DENND11: variants seen among roughly 807,000 people sequenced by gnomAD.
DENND11 encodes DENN domain containing 11, also known as DENN domain-containing protein 11.
A neutral mutation model predicts 49.2 loss-of-function variants in DENND11; 34 were observed. The ratio of observed to expected loss-of-function variants is 0.69; its 90% CI spans 0.53 to 0.92. The LOEUF (loss-of-function observed/expected upper bound fraction) is 0.92, where lower values mean the gene tolerates loss of function less well. Ranked by LOEUF, DENND11 falls within the 40% of genes least tolerant of loss-of-function variation. The probability of loss-of-function intolerance (pLI) is 0.00; values close to 1 mark genes in which losing one functional copy is unlikely to be tolerated. For synonymous variants in DENND11, 238 were observed against 230.3 expected, an observed-to-expected ratio of 1.03 and a Z score of -0.30; for missense variants, 475 against 581.6, an observed-to-expected ratio of 0.82 and a Z score of 1.88.
In DENND11 at chr7:141,683,872, CA is replaced by C. The variant is rs570234444; in HGVS notation, c.527+1605del. On this transcript the variant is annotated intron_variant, in intron 3 of 8. Coordinates refer to ENST00000536163, the MANE Select transcript of DENND11 (RefSeq NM_001080392.2). ...GAACAGGCCAATAGTATTAATCATG[CA>C]AGATCCTTTCAAAGAAAGAAAAGTG... 4.7e-3 allele frequency among the ~76,000 whole-genome samples: 718 copies of C among 152,262 alleles called. 10 individuals carry two copies. The highest frequency in any genetic ancestry group is 0.016 in the African/African-American group (679 of 41,538).
chr7:141,677,479 A>G (rs912354618), intron 3 of DENND11, among the ~76,000 whole-genome samples: 7 of 143,482 alleles, frequency 4.9e-5, no homozygotes, highest in African/African-American at 1.8e-4. Flanking sequence ...ATATTTATAT[A>G]TATTTATATG....
Position 141,674,197 on chromosome 7 carries a change from T to C in DENND11, c.551A>G (p.His184Arg). 6.5e-7 allele frequency: 1 copy of C among 1,548,240 alleles called. No homozygotes were observed. Reference sequence around the variant, plus strand: ...ATAGAAGGCAGCCAGATGAGAGTAATGTCCTGGCATCTCCAACTGGTGCCT... The same window carrying C: ...ATAGAAGGCAGCCAGATGAGAGTAACGTCCTGGCATCTCCAACTGGTGCCT... ...QVRHQLEMPG[H>R]YSHLAAFYED... Residue 184 changes from histidine (H) to arginine (R), a missense_variant, in exon 4 of 9, where the codon CAT becomes CGT. Physicochemically the swap from His to Arg is conservative, Grantham distance 29. Coordinates refer to ENST00000536163, the MANE Select transcript of DENND11 (RefSeq NM_001080392.2).
intron 1 of DENND11, among the ~76,000 whole-genome samples, chr7:141,688,485 T>C (rs986162484): frequency 3.9e-5 from 6 of 152,218 alleles, no homozygotes; most frequent in Admixed American, 1.3e-4. Context: ...TCTGATCATT[T>C]AGTCAATTCA....
At position 141,657,148 on chromosome 7, in the gene DENND11, G is replaced by A. The variant is rs1419009472; in HGVS notation, c.*5508C>T. 2.0e-5 allele frequency: 3 copies of A among 152,614 alleles called. No individual in the cohort carries two copies. Among genetic ancestry groups the A allele is most frequent in the Non-Finnish European group, 4.4e-5 (3 of 68,030 alleles). The allele number at this position is 152,614 out of a possible 1,614,324, so 9.5% of individuals were successfully genotyped here. ...GGGAGGCTATGCTGATTCTAACTCAGAAAGAAATGGGAAAACAGTTTTTCT... is the reference window on the plus strand; with the variant it reads ...GGGAGGCTATGCTGATTCTAACTCAAAAAGAAATGGGAAAACAGTTTTTCT... On this transcript the variant is annotated 3_prime_UTR_variant, in exon 9 of 9. Coordinates refer to ENST00000536163, the MANE Select transcript of DENND11 (RefSeq NM_001080392.2).
At position 141,660,066 on chromosome 7, in the gene DENND11, C is replaced by T. The variant is rs1012575151; in HGVS notation, c.*2590G>A. 1 of 152,086 alleles carries T rather than the reference C, an allele frequency of 6.6e-6. No individual in the cohort carries two copies. The highest frequency in any genetic ancestry group is 2.4e-5 in the African/African-American group (1 of 41,402). The allele number at this position is 152,086 out of a possible 1,614,324, so 9.4% of individuals were successfully genotyped here. A position where few individuals can be genotyped will look rare whatever the true frequency, so the allele number is the denominator to read the frequency against. Reference sequence around the variant, plus strand: ...CAGAATCTGGCATAGAGCAAGGCTTCGAAAGGTGATTTCCGAAGCCACAGG... The same window carrying T: ...CAGAATCTGGCATAGAGCAAGGCTTTGAAAGGTGATTTCCGAAGCCACAGG... On this transcript the variant is annotated 3_prime_UTR_variant, in exon 9 of 9. Coordinates refer to ENST00000536163, the MANE Select transcript of DENND11 (RefSeq NM_001080392.2).
intron 4 of DENND11, 48 bp downstream of exon 4, chr7:141,674,018 TC>T: frequency 6.4e-7 from 1 of 1,567,086 alleles, no homozygotes; most frequent in Non-Finnish European, 8.7e-7. Flanking sequence ...CAGCTACTAT[TC>T]CCAGATACAG....
At position 141,702,123 on chromosome 7, in the gene DENND11, G is replaced by A. The variant is rs1798532582; in HGVS notation, c.31C>T (p.Leu11=). Reference sequence around the variant, plus strand: ...ACGGCGGGGCCCTCGGCCCAGCGCAGCAGCGGCGCCGCGTCTCCCTGCTCC... The same window carrying A: ...ACGGCGGGGCCCTCGGCCCAGCGCAACAGCGGCGCCGCGTCTCCCTGCTCC... MVEQGDAAPL[L]RWAEGPAVSL... The change falls in exon 1 of 9, where the codon CTG becomes TTG. Residue 11 remains leucine, a synonymous_variant. Transcript: ENST00000536163. The A allele has an allele frequency of 1.0e-6, 1 of 983,440 alleles. No individual in the cohort carries two copies. The highest frequency in any genetic ancestry group is 1.2e-6 in the Non-Finnish European group (1 of 830,112). The allele number at this position is 983,440 out of a possible 1,614,324, so 60.9% of individuals were successfully genotyped here. A position where few individuals can be genotyped will look rare whatever the true frequency, so the allele number is the denominator to read the frequency against.
chr7:141,697,930 A>C (rs1798442325), intron 1 of DENND11, among the ~76,000 whole-genome samples: 1 of 152,206 alleles, frequency 6.6e-6, no homozygotes, highest in Non-Finnish European at 1.5e-5. Flanking sequence ...GTAGAAATTC[A>C]TTCCCAAGAA....
intron 4 of DENND11, among the ~76,000 whole-genome samples, chr7:141,671,563 C>G (rs1340865895): frequency 6.6e-6 from 1 of 152,256 alleles, no homozygotes; most frequent in African/African-American, 2.4e-5. Context: ...ACGGTACCCT[C>G]TTCCCTGCAT....
chr7:141,682,687 T>G lies in DENND11; in HGVS notation c.527+2791A>C, dbSNP rs115161219. On this transcript the variant is annotated intron_variant, in intron 3 of 8. Transcript: ENST00000536163. The stretch of plus-strand genomic sequence containing the variant: ...TATGGAACAGAGCAGGCTACCCAAC[T>G]TGACCACCTGCCTACCTCTACGCTA... Among the ~76,000 whole-genome samples the G allele has an allele frequency of 2.0e-3, 304 of 152,316 alleles. 2 individuals carry two copies. Among genetic ancestry groups the G allele is most frequent in the African/African-American group, 7.0e-3 (290 of 41,564 alleles).
intron 8 of DENND11, chr7:141,663,832 C>T (rs1164901629): frequency 6.9e-6 from 2 of 291,392 alleles, no homozygotes; most frequent in African/African-American, 4.2e-5. Context: ...AGGAACTACT[C>T]TATTCAAAGG....
chr7:141,680,533 C>T (rs981395918), intron 3 of DENND11, among the ~76,000 whole-genome samples: 6 of 151,934 alleles, frequency 3.9e-5, no homozygotes, highest in African/African-American at 1.2e-4. Context: ...GACACACGGA[C>T]GCCCAGCTAA....
intron 3 of DENND11, among the ~76,000 whole-genome samples, chr7:141,682,776 T>G (rs928206591): frequency 3.9e-5 from 6 of 152,176 alleles, no homozygotes; most frequent in African/African-American, 1.4e-4. Context: ...TGTTCTTGCC[T>G]TTTAGCCAGG....
In DENND11 at chr7:141,666,349, G is replaced by A. The variant is rs1405181133; in HGVS notation, c.758C>T (p.Ala253Val). Reference sequence around the variant, plus strand: ...TATCAAAATGCGCTTTCGAAGTAAGGCAAATTTCCAGAGGATGAGGATCTG... The same window carrying A: ...TATCAAAATGCGCTTTCGAAGTAAGACAAATTTCCAGAGGATGAGGATCTG... Reference protein sequence around the residue: ...GEQILILWKFALLRKRILIFS... With the variant: ...GEQILILWKFVLLRKRILIFS... The change falls in exon 5 of 9, where the codon GCC becomes GTC. Residue 253 changes from alanine to valine, a missense_variant. Ala to Val is a moderately conservative substitution (Grantham distance 64). Transcript: ENST00000536163. 2 of 1,613,112 alleles carry A rather than the reference G, an allele frequency of 1.2e-6. No homozygotes were observed. Among genetic ancestry groups the A allele is most frequent in the East Asian group, 4.5e-5 (2 of 44,868 alleles).
rs747323233 is a variant in DENND11 at position 141,657,289 on chromosome 7, T to C, written c.*5367A>G. ...GCTTTCCTCTGCTCTGTCCCTGAAG[T>C]CACTCATCCAGGTTGGCTGCTCAAA... On this transcript the variant is annotated 3_prime_UTR_variant, in exon 9 of 9. Coordinates refer to ENST00000536163, the MANE Select transcript of DENND11 (RefSeq NM_001080392.2). The C allele has an allele frequency of 5.3e-5, 8 of 152,268 alleles. No homozygotes were observed. Among genetic ancestry groups the C allele is most frequent in the Non-Finnish European group, 8.8e-5 (6 of 68,048 alleles). 9.4% of individuals were successfully genotyped at this position (152,268 alleles called of 1,614,324 possible). A position where few individuals can be genotyped will look rare whatever the true frequency, so the allele number is the denominator to read the frequency against.
At chr7:141,685,773 A>G in intron 2 of DENND11, 137 bp from the exon 3 acceptor site, 1 of 874,312 alleles carries the variant, frequency 1.1e-6, no homozygotes, top group Non-Finnish European at 1.7e-6. Context: ...GGGCCAAGCC[A>G]CATGACCTCA....
intron 4 of DENND11, among the ~76,000 whole-genome samples, chr7:141,666,927 C>T (rs542738733): frequency 1.4e-4 from 22 of 152,194 alleles, no homozygotes; most frequent in African/African-American, 5.3e-4. Flanking sequence ...GACCACTCTT[C>T]CTTCTTTTTT....
At chr7:141,670,459 A>G (rs1360745395) in intron 4 of DENND11, among the ~76,000 whole-genome samples, 1 of 152,236 alleles carries the variant, frequency 6.6e-6, no homozygotes, top group Non-Finnish European at 1.5e-5. Flanking sequence ...ATACATGTAA[A>G]AACCAACATA....
intron 3 of DENND11, among the ~76,000 whole-genome samples, chr7:141,675,908 T>C (rs1211746930): frequency 6.6e-6 from 1 of 152,222 alleles, no homozygotes; most frequent in East Asian, 1.9e-4. Context: ...CTATAACAAA[T>C]ATAGTCCTCC....
Sources: gnomAD v4.1 joint callset for allele counts (sites outside exome capture counted in the v4.1 genomes callset) on GRCh38, gnomAD v4.1.1 for gene constraint, MANE v1.5 for transcripts, NCBI Gene and HGNC (gene_info 2026-07-23, HGNC 2026-07-21) for gene names.